The following FXR1 variants were observed in gnomAD, a reference collection of about 807,000 sequenced individuals.
The protein encoded by FXR1 is FMR1 autosomal homolog 1.
Under a neutral mutation model 84.0 loss-of-function variants are expected in FXR1, and 15 were observed. The ratio of observed to expected loss-of-function variants is 0.18; its 90% CI spans 0.12 to 0.27. The LOEUF is 0.27. FXR1 is among the 10% of genes least tolerant of loss of function. The pLI, the probability that FXR1 is intolerant of heterozygous loss-of-function variation, is 1.00. For synonymous variants in FXR1, 245 were observed against 250.7 expected, an observed-to-expected ratio of 0.98 and a Z score of 0.21; for missense variants, 480 against 774.4, an observed-to-expected ratio of 0.62 and a Z score of 4.51.
chr3:180,913,592 G>T (rs1250792921), intron 1 of FXR1, among the ~76,000 whole-genome samples: 1 of 152,098 alleles, frequency 6.6e-6, no homozygotes, highest in Non-Finnish European at 1.5e-5. Flanking sequence ...ATGGAATCGG[G>T]GCTGAAAAAC....
intron 10 of FXR1, among the ~76,000 whole-genome samples, chr3:180,959,361 T>TTC (rs71182566): frequency 6.6e-6 from 1 of 151,754 alleles, no homozygotes; most frequent in Admixed American, 6.6e-5. Context: ...TTTTTTTTTT[T>TTC]CCTGAGATTT....
At chr3:180,939,906 A>G (rs1720938611) in intron 3 of FXR1, among the ~76,000 whole-genome samples, 1 of 152,238 alleles carries the variant, frequency 6.6e-6, no homozygotes, top group African/African-American at 2.4e-5. Flanking sequence ...GGTGATTTTT[A>G]AAGACTTGAG....
rs1714648111 is a variant in FXR1 at position 180,982,299 on chromosome 3, A to G, written c.*6007A>G. On this transcript the variant is annotated 3_prime_UTR_variant, in exon 17 of 17. Transcript: ENST00000357559. Reference sequence around the variant, plus strand: ...TGTAAGAAAATACCAGCAAAAGATAAAAGTTTTTTTATGGATCGTATTTGT... The same window carrying G: ...TGTAAGAAAATACCAGCAAAAGATAGAAGTTTTTTTATGGATCGTATTTGT... The G allele has an allele frequency of 6.6e-6, 1 of 151,590 alleles. No homozygotes were observed. The highest frequency in any genetic ancestry group is 6.6e-5 in the Admixed American group (1 of 15,208). The allele number at this position is 151,590 out of a possible 1,614,324, so 9.4% of individuals were successfully genotyped here. A position where few individuals can be genotyped will look rare whatever the true frequency, so the allele number is the denominator to read the frequency against.
chr3:180,958,743 A>G (rs1329896694), intron 10 of FXR1, among the ~76,000 whole-genome samples: 2 of 151,510 alleles, frequency 1.3e-5, no homozygotes, highest in Non-Finnish European at 2.9e-5. Context: ...GAAAGTATTG[A>G]CCATTTCTTA....
chr3:180,939,376 A>G (rs746596447), intron 3 of FXR1, among the ~76,000 whole-genome samples: 3 of 152,126 alleles, frequency 2.0e-5, no homozygotes, highest in Non-Finnish European at 4.4e-5. Flanking sequence ...GATTGTGCAA[A>G]ATAGCAGAGG....
chr3:180,954,513 T>TCCC (rs1722544988), intron 9 of FXR1, among the ~76,000 whole-genome samples: 1 of 152,224 alleles, frequency 6.6e-6, no homozygotes, highest in Non-Finnish European at 1.5e-5. Flanking sequence ...ATAGCTCTGT[T>TCCC]ATTAATATGC....
At chr3:180,959,805 A>G (rs1458978868) in intron 10 of FXR1, among the ~76,000 whole-genome samples, 2 of 152,110 alleles carry the variant, frequency 1.3e-5, no homozygotes, top group African/African-American at 4.8e-5. Context: ...AACCTCTGTA[A>G]TAGCTGTGCT....
At chr3:180,962,241 T>C (rs1423496175) in intron 11 of FXR1, among the ~76,000 whole-genome samples, 1 of 152,242 alleles carries the variant, frequency 6.6e-6, no homozygotes, top group Non-Finnish European at 1.5e-5. Context: ...TTGTTGCTGT[T>C]ACTATTTTGA....
chr3:180,955,549 CT>C (rs1722667904), intron 9 of FXR1, among the ~76,000 whole-genome samples: 1 of 152,112 alleles, frequency 6.6e-6, no homozygotes, highest in African/African-American at 2.4e-5. Flanking sequence ...TGATAAGCTG[CT>C]TTTGAAAATG....
chr3:180,949,467 A>C lies in FXR1; in HGVS notation c.630+124A>C, dbSNP rs1024096119. On this transcript the variant is annotated intron_variant, in intron 7 of 16. Transcript: ENST00000357559. ...AGTGGCACAATCTTGGCTTACTGCAACCTCCACCTCCCGGATTCAAGCGGT... is the reference window on the plus strand; with the variant it reads ...AGTGGCACAATCTTGGCTTACTGCACCCTCCACCTCCCGGATTCAAGCGGT... 4.4e-6 allele frequency: 3 copies of C among 678,382 alleles called. No homozygotes were observed. The Admixed American group carries it at 6.2e-5, about 14-fold the overall frequency. The allele number at this position is 678,382 out of a possible 1,614,324, so 42.0% of individuals were successfully genotyped here. A position where few individuals can be genotyped will look rare whatever the true frequency, so the allele number is the denominator to read the frequency against.
chr3:180,978,898 G>A lies in FXR1; in HGVS notation c.*2606G>A, dbSNP rs1260548928. ...TTGCTTTAGGCATCACCTTTGTTAAGCCTTAAAGGGGGCTACAACTTGTGC... is the reference window on the plus strand; with the variant it reads ...TTGCTTTAGGCATCACCTTTGTTAAACCTTAAAGGGGGCTACAACTTGTGC... On this transcript the variant is annotated 3_prime_UTR_variant, in exon 17 of 17. Coordinates refer to ENST00000357559, the MANE Select transcript of FXR1 (RefSeq NM_005087.4). 1 of 152,084 alleles carries A rather than the reference G, an allele frequency of 6.6e-6. No homozygotes were observed. Among genetic ancestry groups the A allele is most frequent in the African/African-American group, 2.4e-5 (1 of 41,430 alleles). The allele number at this position is 152,084 out of a possible 1,614,324, so 9.4% of individuals were successfully genotyped here.
chr3:180,937,885 C>T (rs1720701850), intron 3 of FXR1, among the ~76,000 whole-genome samples: 1 of 152,046 alleles, frequency 6.6e-6, no homozygotes, highest in Non-Finnish European at 1.5e-5. Context: ...TGTAGGTGTA[C>T]TTGTCCACCC....
chr3:180,952,544 G>GC (rs1722330932), intron 8 of FXR1, among the ~76,000 whole-genome samples: 1 of 151,248 alleles, frequency 6.6e-6, no homozygotes, highest in African/African-American at 2.4e-5. Context: ...GCAACAGAGA[G>GC]CAAGGTCCTG....
At chr3:180,917,173 G>T (rs1036003893) in intron 1 of FXR1, among the ~76,000 whole-genome samples, 1 of 152,116 alleles carries the variant, frequency 6.6e-6, no homozygotes, top group African/African-American at 2.4e-5. Context: ...CTTCCACCGT[G>T]TAACTGTCTA....
At chr3:180,968,832 T>A (rs1577000411) in intron 14 of FXR1, among the ~76,000 whole-genome samples, 1 of 152,120 alleles carries the variant, frequency 6.6e-6, no homozygotes, top group East Asian at 1.9e-4. Context: ...TCTTCTAAAA[T>A]TTTTTTATGC....
At chr3:180,921,514 A>G (rs1386595201) in intron 1 of FXR1, among the ~76,000 whole-genome samples, 1 of 152,110 alleles carries the variant, frequency 6.6e-6, no homozygotes, top group African/African-American at 2.4e-5. Context: ...AGATCTTTTT[A>G]AAAAGTATAT....
chr3:180,922,790 T>A (rs1049354467), intron 1 of FXR1, among the ~76,000 whole-genome samples: 3 of 152,050 alleles, frequency 2.0e-5, no homozygotes, highest in Non-Finnish European at 4.4e-5. Context: ...TTTAAAAAAA[T>A]TTTCTGTAGA....
intron 3 of FXR1, among the ~76,000 whole-genome samples, chr3:180,936,621 T>C (rs1246966774): frequency 6.6e-6 from 1 of 152,174 alleles, no homozygotes; most frequent in African/African-American, 2.4e-5. Flanking sequence ...GATAGTATGC[T>C]AGGAAGTCAA....
At chr3:180,923,562 T>C (rs574752375) in intron 1 of FXR1, among the ~76,000 whole-genome samples, 1 of 152,208 alleles carries the variant, frequency 6.6e-6, no homozygotes, top group East Asian at 1.9e-4. Flanking sequence ...CTGTTAACTA[T>C]GTAGACAGTC....
Sources: allele counts gnomAD v4.1 joint callset (sites outside exome capture counted in the v4.1 genomes callset), GRCh38; gene constraint gnomAD v4.1.1; transcripts MANE v1.5; gene names NCBI Gene and HGNC (gene_info 2026-07-23, HGNC 2026-07-21).